Variants in TMEM14B observed in about 807,000 individuals in gnomAD.
TMEM14B encodes transmembrane protein 14B.
A neutral mutation model predicts 14.8 loss-of-function variants in TMEM14B; 9 were observed. The observed-to-expected ratio is 0.61, with a 90% CI of 0.37 to 1.06. TMEM14B has a LOEUF of 1.06. Among genes scored for constraint, TMEM14B ranks in the 50% least tolerant of loss-of-function variants. TMEM14B has a pLI of 0.01. For synonymous variants in TMEM14B, 40 were observed against 51.3 expected, an observed-to-expected ratio of 0.78 and a Z score of 0.94; for missense variants, 128 against 143.6, an observed-to-expected ratio of 0.89 and a Z score of 0.56.
downstream of TMEM14B, among the ~76,000 whole-genome samples, chr6:10,758,191 A>G (rs549901459): frequency 1.3e-5 from 2 of 152,160 alleles, no homozygotes; most frequent in East Asian, 3.9e-4. Context: ...AGATCATCCA[A>G]AGCTATCATC....
rs755490361 is a variant in TMEM14B, at chr6:10,749,220, CTCCTT to C, written c.-23_-19del. ...TCCCCAGATGCAGGCCTGGGGTAGT[CTCCTT>C]TCTGGACTGAGAAGAGAAGAATGGA... is the stretch of plus-strand genomic sequence containing the variant. On this transcript the variant is annotated 5_prime_UTR_variant, in exon 2 of 6. Transcript: ENST00000379542. 27 of 1,613,996 alleles carry C rather than the reference CTCCTT, an allele frequency of 1.7e-5. No homozygotes were observed. In the East Asian group the frequency reaches 6.0e-4, roughly 36 times the overall value.
intron 5 of TMEM14B, 127 bp downstream of exon 5, chr6:10,755,359 T>C (rs757876676): frequency 1.5e-5 from 24 of 1,553,334 alleles, no homozygotes; most frequent in South Asian, 1.5e-4. Flanking sequence ...GTTTGACTTA[T>C]ACACTAATAG....
chr6:10,754,669 A>G (rs1771737917), intron 4 of TMEM14B, among the ~76,000 whole-genome samples: 1 of 152,252 alleles, frequency 6.6e-6, no homozygotes, highest in African/African-American at 2.4e-5. Context: ...TTGTCCCATC[A>G]GACCTGAAGC....
chr6:10,752,785 G>A (rs1771640959), intron 4 of TMEM14B: 1 of 152,172 alleles, frequency 6.6e-6, no homozygotes, highest in African/African-American at 2.4e-5. Flanking sequence ...GGAGTGGGAG[G>A]CCAAAAGCCT....
chr6:10,751,071 G>T lies in TMEM14B; in HGVS notation c.101-62G>T, dbSNP rs972169255. The T allele has an allele frequency of 2.5e-6, 4 of 1,600,406 alleles. 1 individual carries two copies. The African/African-American group carries it at 5.4e-5, about 22-fold the overall frequency. Reference sequence around the variant, plus strand: ...TCCTTTGTAGGGCAGGAGGTCTGGTGGATTCCGTTAGTGAAATAAGTGCCT... The same window carrying T: ...TCCTTTGTAGGGCAGGAGGTCTGGTTGATTCCGTTAGTGAAATAAGTGCCT... On this transcript the variant is annotated intron_variant, in intron 3 of 5. Transcript: ENST00000379542.
chr6:10,752,541 C>T (rs181805364), intron 4 of TMEM14B, among the ~76,000 whole-genome samples: 10 of 150,324 alleles, frequency 6.7e-5, no homozygotes, highest in Non-Finnish European at 1.5e-4. Flanking sequence ...ACTGCAACCT[C>T]CGCCTCTTGG....
At chr6:10,750,565 A>T (rs1368822491) in intron 3 of TMEM14B, among the ~76,000 whole-genome samples, 1 of 152,048 alleles carries the variant, frequency 6.6e-6, no homozygotes. Flanking sequence ...AAGGTGATGG[A>T]CGCGGGGCTT....
chr6:10,749,678 T>A lies in TMEM14B; in HGVS notation c.80T>A (p.Ile27Asn). The part of the protein sequence containing the change: ...GYTALVVSGG[I>N]VGYVKTGSVP... ...ACAGCACTGGTTGTTTCTGGTGGGATCGTTGGCTATGTAAAAACAGGTAGG... is the reference window on the plus strand; with the variant it reads ...ACAGCACTGGTTGTTTCTGGTGGGAACGTTGGCTATGTAAAAACAGGTAGG... The change falls in exon 3 of 6, where the codon ATC (isoleucine) becomes AAC (asparagine). Residue 27 changes from isoleucine (I) to asparagine (N), a missense_variant. By Grantham distance (149) the Ile-to-Asn change is moderately radical (BLOSUM62 -3). Coordinates refer to ENST00000379542, the MANE Select transcript of TMEM14B (RefSeq NM_030969.5). 1 of 1,614,244 alleles carries A rather than the reference T, an allele frequency of 6.2e-7. No homozygotes were observed. Among genetic ancestry groups the A allele is most frequent in the Non-Finnish European group, 8.5e-7 (1 of 1,180,044 alleles).
At chr6:10,752,559 T>G (rs1391537550) in intron 4 of TMEM14B, among the ~76,000 whole-genome samples, 5 of 148,668 alleles carry the variant, frequency 3.4e-5, no homozygotes, top group Non-Finnish European at 1.5e-5. Flanking sequence ...TGGATTCAAG[T>G]GGTTCTCCTG....
intron 4 of TMEM14B, among the ~76,000 whole-genome samples, chr6:10,753,706 C>T (rs565513011): frequency 6.6e-6 from 1 of 152,188 alleles, no homozygotes; most frequent in East Asian, 1.9e-4. Flanking sequence ...CACACTCCCC[C>T]TGTCTTCTGT....
rs570632304 is a variant in TMEM14B at position 10,749,468 on chromosome 6, C to T, written c.24-154C>T. On this transcript the variant is annotated intron_variant, in intron 2 of 5. Coordinates refer to ENST00000379542, the MANE Select transcript of TMEM14B (RefSeq NM_030969.5). Reference sequence around the variant, plus strand: ...AGTTGTGTGACTCTCAGAAAGTCATCCAACCTCTGTGGTGCTTATTTTCAG... The same window carrying T: ...AGTTGTGTGACTCTCAGAAAGTCATTCAACCTCTGTGGTGCTTATTTTCAG... Among the ~76,000 whole-genome samples, 11 of 152,326 alleles carry T rather than the reference C, an allele frequency of 7.2e-5. 1 individual carries two copies. The highest frequency in any genetic ancestry group is 2.4e-4 in the African/African-American group (10 of 41,568).
chr6:10,751,944 CTA>C (rs1771592140), intron 4 of TMEM14B, among the ~76,000 whole-genome samples: 1 of 152,040 alleles, frequency 6.6e-6, no homozygotes, highest in East Asian at 1.9e-4. Flanking sequence ...TCAGACACTG[CTA>C]TGAGTGTGGG....
intron 4 of TMEM14B, among the ~76,000 whole-genome samples, chr6:10,754,330 A>ATGTGGTCT (rs899041559): frequency 6.6e-6 from 1 of 152,184 alleles, no homozygotes; most frequent in African/African-American, 2.4e-5. Context: ...ATGGCCTTCA[A>ATGTGGTCT]GGCTCTATGT....
chr6:10,749,711 T>G lies in TMEM14B; in HGVS notation c.100+13T>G. 6.2e-7 allele frequency: 1 copy of G among 1,614,054 alleles called. No individual in the cohort carries two copies. Among genetic ancestry groups the G allele is most frequent in the Non-Finnish European group, 8.5e-7 (1 of 1,179,898 alleles). ...TATGTAAAAACAGGTAGGGTTTTGT[T>G]GTTACTTAGCCTCTTAACATCTTCA... On this transcript the variant is annotated intron_variant, in intron 3 of 5. Transcript: ENST00000379542.
chr6:10,756,529 G>T lies in TMEM14B; in HGVS notation c.*11G>T. The T allele has an allele frequency of 6.2e-7, 1 of 1,612,592 alleles. No homozygotes were observed. The highest frequency in any genetic ancestry group is 8.5e-7 in the Non-Finnish European group (1 of 1,179,416). On this transcript the variant is annotated 3_prime_UTR_variant, in exon 6 of 6. Transcript: ENST00000379542. The stretch of plus-strand genomic sequence containing the variant: ...ATGACATCTGATTAGCAGAAGTCAT[G>T]TTCCAGCTTGGACTCATGAAGGATT...
At chr6:10,748,894 G>C (rs530169048) in intron 1 of TMEM14B, among the ~76,000 whole-genome samples, 4 of 152,336 alleles carry the variant, frequency 2.6e-5, no homozygotes, top group African/African-American at 7.2e-5. Context: ...GTGATAATGT[G>C]AGTGCTTAAT....
chr6:10,755,376 C>T (rs1488005286), intron 5 of TMEM14B, 144 bp downstream of exon 5: 1 of 1,528,324 alleles, frequency 6.5e-7, no homozygotes, highest in African/African-American at 1.4e-5. Flanking sequence ...ATAGGAGATG[C>T]TTCAAAAACA....
intron 4 of TMEM14B, 87 bp downstream of exon 4, chr6:10,751,321 G>T: frequency 6.9e-7 from 1 of 1,441,252 alleles, no homozygotes; most frequent in Non-Finnish European, 9.6e-7. Flanking sequence ...GATGGAGCGA[G>T]TTCTTCCCAC....
At chr6:10,752,336 C>T (rs527860794) in intron 4 of TMEM14B, among the ~76,000 whole-genome samples, 12 of 152,122 alleles carry the variant, frequency 7.9e-5, no homozygotes, top group South Asian at 4.1e-4. Flanking sequence ...TTCTCCCTGA[C>T]CGTCTCCAGA....
Sources: allele counts gnomAD v4.1 joint callset (sites outside exome capture counted in the v4.1 genomes callset), GRCh38; gene constraint gnomAD v4.1.1; transcripts MANE v1.5; gene names NCBI Gene and HGNC (gene_info 2026-07-23, HGNC 2026-07-21).